The following CAMK2D variants were observed in gnomAD, a reference collection of about 807,000 sequenced individuals.
The protein encoded by CAMK2D is calcium/calmodulin dependent protein kinase II delta, also known as calcium/calmodulin-dependent protein kinase type II subunit delta.
CAMK2D carries 37 observed loss-of-function variants against 84.0 expected under a neutral mutation model. That is an observed-to-expected ratio of 0.44 (90% CI 0.34 to 0.58). CAMK2D has a LOEUF of 0.58. Ranked by LOEUF, CAMK2D falls within the 20% of genes least tolerant of loss-of-function variation. The pLI is 0.02. For synonymous variants in CAMK2D, 202 were observed against 212.5 expected (o/e 0.95, Z 0.43); for missense variants, 448 against 652.5 (o/e 0.69, Z 3.41).
chr4:113,586,827 T>C (rs2098836382), intron 4 of CAMK2D, among the ~76,000 whole-genome samples: 2 of 152,112 alleles, frequency 1.3e-5, no homozygotes, highest in Admixed American at 1.3e-4. Flanking sequence ...AGAGACAAAA[T>C]TGGTGGTCCG....
In CAMK2D at chr4:113,504,978, G is replaced by C. The variant is rs752356305; in HGVS notation, c.1042C>G (p.Leu348Val). ...SPKENIPTPA[L>V]EPQTTVIHNP... ...GGTTACAAAGAGTCCAGGTATACCA[G>C]CGCTGGGGTAGGAATATTTTCTTTG... is the stretch of plus-strand genomic sequence containing the variant. The change falls in exon 14 of 21, where the codon CTG (leucine) becomes GTG (valine). Residue 348 changes from leucine to valine, a missense_variant and splice_region_variant. By Grantham distance (32) the Leu-to-Val change is conservative. Around this residue, in one of 7 missense-constraint regions of CAMK2D, gnomAD observed 219 missense variants for 272.1 expected, o/e 0.80. Coordinates refer to ENST00000511664, the MANE Select transcript of CAMK2D (RefSeq NM_001321571.2). The C allele has an allele frequency of 9.6e-6, 15 of 1,562,560 alleles. No individual in the cohort carries two copies. Among genetic ancestry groups the C allele is most frequent in the Non-Finnish European group, 1.3e-5 (15 of 1,158,774 alleles).
chr4:113,493,399 T>C (rs2097874073), intron 16 of CAMK2D, among the ~76,000 whole-genome samples: 1 of 151,460 alleles, frequency 6.6e-6, no homozygotes, highest in African/African-American at 2.4e-5. Context: ...CCTTCACTTA[T>C]GAAGCTTAGT....
intron 13 of CAMK2D, among the ~76,000 whole-genome samples, chr4:113,507,544 C>T (rs2098145414): frequency 6.6e-6 from 1 of 152,020 alleles, no homozygotes; most frequent in African/African-American, 2.4e-5. Flanking sequence ...GCTGGGATTA[C>T]AGGTGTGAGA....
chr4:113,460,773 C>T (rs2097363882), intron 17 of CAMK2D, among the ~76,000 whole-genome samples: 1 of 152,046 alleles, frequency 6.6e-6, no homozygotes, highest in African/African-American at 2.4e-5. Flanking sequence ...GCAGCCTCAA[C>T]CTTCCAGACT....
intron 3 of CAMK2D, among the ~76,000 whole-genome samples, chr4:113,634,990 C>T (rs2099104410): frequency 6.6e-6 from 1 of 152,122 alleles, no homozygotes. Context: ...AATATCAGAG[C>T]AAGGCGGCAA....
intron 4 of CAMK2D, among the ~76,000 whole-genome samples, chr4:113,580,227 T>A (rs2098801542): frequency 6.6e-6 from 1 of 152,226 alleles, no homozygotes; most frequent in South Asian, 2.1e-4. Flanking sequence ...TGTGCATGAA[T>A]AACTTAACAC....
intron 2 of CAMK2D, among the ~76,000 whole-genome samples, chr4:113,700,844 C>T (rs1276425455): frequency 1.3e-5 from 2 of 152,090 alleles, no homozygotes; most frequent in South Asian, 4.1e-4. Flanking sequence ...CCTAGGACAC[C>T]CTTGAAGGGT....
Position 113,598,097 on chromosome 4 carries a change from C to T in CAMK2D, c.275+11055G>A, listed in dbSNP as rs559421686. On this transcript the variant is annotated intron_variant, in intron 4 of 20. Transcript: ENST00000511664. Reference sequence around the variant, plus strand: ...CCAAGAGAATATTGATGGAAAAGAACAAAGATAGAAGACTGACACTACTCA... The same window carrying T: ...CCAAGAGAATATTGATGGAAAAGAATAAAGATAGAAGACTGACACTACTCA... Among the ~76,000 whole-genome samples the T allele has an allele frequency of 1.9e-4, 29 of 152,140 alleles. No individual in the cohort carries two copies. The South Asian group carries it at 5.8e-3, about 30-fold the overall frequency.
intron 2 of CAMK2D, among the ~76,000 whole-genome samples, chr4:113,743,986 G>T (rs2099598793): frequency 1.3e-5 from 2 of 151,956 alleles, no homozygotes; most frequent in African/African-American, 4.8e-5. Context: ...GACTACAGGG[G>T]CCCGCCACCA....
chr4:113,632,648 G>A (rs1037248601), intron 3 of CAMK2D, among the ~76,000 whole-genome samples: 3 of 152,046 alleles, frequency 2.0e-5, no homozygotes, highest in African/African-American at 7.2e-5. Context: ...AATCAAAGGA[G>A]GCAGAGAGAG....
intron 2 of CAMK2D, among the ~76,000 whole-genome samples, chr4:113,681,630 TC>T (rs2154335177): frequency 6.6e-6 from 1 of 152,308 alleles, no homozygotes; most frequent in South Asian, 2.1e-4. Context: ...CATTCACTAA[TC>T]CCAGAAAACT....
At chr4:113,575,211 C>T (rs1355171429) in intron 4 of CAMK2D, among the ~76,000 whole-genome samples, 2 of 152,136 alleles carry the variant, frequency 1.3e-5, no homozygotes, top group African/African-American at 4.8e-5. Flanking sequence ...TTACCATCCA[C>T]TCCATGGATA....
intron 4 of CAMK2D, among the ~76,000 whole-genome samples, chr4:113,579,401 C>G (rs1395341404): frequency 1.3e-5 from 2 of 152,162 alleles, no homozygotes; most frequent in East Asian, 3.8e-4. Context: ...TGAAATGTGA[C>G]CCCTACTGCT....
At chr4:113,500,619 A>T in intron 15 of CAMK2D, 108 bp from the exon 16 acceptor site, 1 of 633,030 alleles carries the variant, frequency 1.6e-6, no homozygotes, top group Non-Finnish European at 2.8e-6. Context: ...TCAGCAGGCT[A>T]TGTGCATATG....
At chr4:113,651,234 CA>C (rs780399194) in intron 3 of CAMK2D, among the ~76,000 whole-genome samples, 4 of 152,166 alleles carry the variant, frequency 2.6e-5, no homozygotes, top group Admixed American at 6.5e-5. Context: ...CAAGTTATTT[CA>C]AACAATAACC....
intron 16 of CAMK2D, among the ~76,000 whole-genome samples, chr4:113,482,347 AAGG>A (rs1214680774): frequency 5.9e-5 from 9 of 152,310 alleles, no homozygotes; most frequent in Admixed American, 2.0e-4. Context: ...AAGCAAAACT[AAGG>A]AGACAAAGAA....
chr4:113,651,838 C>T (rs2099174184), intron 3 of CAMK2D, among the ~76,000 whole-genome samples: 1 of 151,992 alleles, frequency 6.6e-6, no homozygotes, highest in African/African-American at 2.4e-5. Flanking sequence ...ATGTGACCAC[C>T]TAAAAGATGT....
intron 16 of CAMK2D, among the ~76,000 whole-genome samples, chr4:113,469,533 G>C (rs2097522519): frequency 6.6e-6 from 1 of 152,182 alleles, no homozygotes; most frequent in South Asian, 2.1e-4. Flanking sequence ...GTGTACACCA[G>C]TGTTTTAAAT....
chr4:113,478,513 A>G (rs1330910847), intron 16 of CAMK2D, among the ~76,000 whole-genome samples: 2 of 152,192 alleles, frequency 1.3e-5, no homozygotes, highest in African/African-American at 4.8e-5. Context: ...CTATTTCTTG[A>G]AGAGAGACTT....
Sources: allele counts gnomAD v4.1 joint callset (sites outside exome capture counted in the v4.1 genomes callset), GRCh38; gene constraint gnomAD v4.1.1; regional missense constraint gnomAD v4.1.1; transcripts MANE v1.5; gene names NCBI Gene and HGNC (gene_info 2026-07-23, HGNC 2026-07-21).